The following PKNOX2 variants were observed in gnomAD, a reference collection of about 807,000 sequenced individuals.
PKNOX2 encodes the protein homeobox protein PKNOX2.
Under a neutral mutation model 53.1 loss-of-function variants are expected in PKNOX2, and 14 were observed. The ratio of observed to expected loss-of-function variants is 0.26; its 90% CI spans 0.17 to 0.41. The LOEUF is 0.41. PKNOX2 is among the 10% of genes least tolerant of loss of function. The pLI is 1.00. For missense variants in PKNOX2, 496 were observed against 602.8 expected (o/e 0.82, Z 1.85); for synonymous variants, 257 against 242.8 (o/e 1.06, Z -0.54).
At chr11:125,200,050 G>T (rs1465263785) in intron 1 of PKNOX2, among the ~76,000 whole-genome samples, 1 of 152,144 alleles carries the variant, frequency 6.6e-6, no homozygotes, top group African/African-American at 2.4e-5. Context: ...CCCATCTATA[G>T]ACAGTGACAC....
chr11:125,259,628 C>T (rs1944680181), intron 2 of PKNOX2, among the ~76,000 whole-genome samples: 1 of 152,204 alleles, frequency 6.6e-6, no homozygotes, highest in African/African-American at 2.4e-5. Flanking sequence ...ACCTTTGCCT[C>T]TGGCTGAAGG....
chr11:125,239,153 A>C (rs1942964212), intron 2 of PKNOX2, among the ~76,000 whole-genome samples: 1 of 152,246 alleles, frequency 6.6e-6, no homozygotes, highest in South Asian at 2.1e-4. Flanking sequence ...GACGGTCAAG[A>C]ATCTTGCCTT....
At chr11:125,359,054 A>C (rs1346741785) in intron 4 of PKNOX2, among the ~76,000 whole-genome samples, 1 of 145,708 alleles carries the variant, frequency 6.9e-6, no homozygotes, top group African/African-American at 2.7e-5. Flanking sequence ...AGATGAGGAC[A>C]GTCCCTGCTG....
At chr11:125,202,746 A>T (rs1938596277) in intron 1 of PKNOX2, among the ~76,000 whole-genome samples, 2 of 152,112 alleles carry the variant, frequency 1.3e-5, no homozygotes, top group Non-Finnish European at 1.5e-5. Flanking sequence ...GTGCTCTGGG[A>T]CAGATAATTT....
At chr11:125,247,715 C>T (rs547552745) in intron 2 of PKNOX2, among the ~76,000 whole-genome samples, 3 of 152,302 alleles carry the variant, frequency 2.0e-5, no homozygotes, top group East Asian at 3.9e-4. Context: ...CCTTCCATGT[C>T]TCTGTTACTT....
At chr11:125,387,256 G>A (rs2135390562) in intron 6 of PKNOX2, among the ~76,000 whole-genome samples, 1 of 152,352 alleles carries the variant, frequency 6.6e-6, no homozygotes, top group East Asian at 1.9e-4. Context: ...TTCTGTAGGA[G>A]CTGGGATGGA....
chr11:125,415,232 A>C (rs1280466520), intron 10 of PKNOX2, among the ~76,000 whole-genome samples: 1 of 128,128 alleles, frequency 7.8e-6, no homozygotes, highest in East Asian at 2.5e-4. Context: ...TATAAAGTTT[A>C]GCTTTTTTTT....
intron 3 of PKNOX2, among the ~76,000 whole-genome samples, chr11:125,349,517 G>GCCGACGGAA (rs1951183015): frequency 6.6e-6 from 1 of 152,196 alleles, no homozygotes; most frequent in Admixed American, 6.5e-5. Context: ...AGGCGGTGAG[G>GCCGACGGAA]CCGACGGAAC....
At chr11:125,386,383 C>A (rs1161811072) in intron 6 of PKNOX2, among the ~76,000 whole-genome samples, 1 of 152,160 alleles carries the variant, frequency 6.6e-6, no homozygotes, top group Admixed American at 6.5e-5. Flanking sequence ...TGGGCAGTTG[C>A]AATTGTCATT....
At chr11:125,186,158 T>C (rs1417647214) in intron 1 of PKNOX2, among the ~76,000 whole-genome samples, 3 of 152,198 alleles carry the variant, frequency 2.0e-5, no homozygotes, top group Admixed American at 2.0e-4. Flanking sequence ...TGATGTTGAA[T>C]GTCTTTTCAT....
chr11:125,215,564 C>A (rs943469681), intron 1 of PKNOX2, among the ~76,000 whole-genome samples: 1 of 151,912 alleles, frequency 6.6e-6, no homozygotes, highest in Non-Finnish European at 1.5e-5. Context: ...CCAGCCTGAC[C>A]AACACGGCGA....
chr11:125,405,578 G>A (rs1202673110), intron 7 of PKNOX2, among the ~76,000 whole-genome samples: 1 of 152,154 alleles, frequency 6.6e-6, no homozygotes, highest in African/African-American at 2.4e-5. Context: ...TCATCTTTCT[G>A]CTGTTCCAAA....
At chr11:125,209,123 C>G (rs944844356) in intron 1 of PKNOX2, among the ~76,000 whole-genome samples, 9 of 152,094 alleles carry the variant, frequency 5.9e-5, no homozygotes, top group Non-Finnish European at 1.2e-4. Flanking sequence ...TTCTTTAAAT[C>G]CATCTTATGA....
intron 1 of PKNOX2, among the ~76,000 whole-genome samples, chr11:125,216,414 T>C (rs1297122180): frequency 6.6e-6 from 1 of 152,116 alleles, no homozygotes; most frequent in Non-Finnish European, 1.5e-5. Flanking sequence ...AGAGGACAGA[T>C]AAACTCAGGG....
intron 2 of PKNOX2, among the ~76,000 whole-genome samples, chr11:125,279,847 A>C (rs562688069): frequency 2.6e-5 from 4 of 152,202 alleles, no homozygotes; most frequent in Non-Finnish European, 5.9e-5. Context: ...ATACATTTCC[A>C]TGCAGCATTT....
At chr11:125,377,119 C>T (rs911709282) in intron 5 of PKNOX2, among the ~76,000 whole-genome samples, 1 of 152,140 alleles carries the variant, frequency 6.6e-6, no homozygotes, top group African/African-American at 2.4e-5. Flanking sequence ...GGAAATGGAG[C>T]AGGCATTAAT....
intron 2 of PKNOX2, among the ~76,000 whole-genome samples, chr11:125,322,173 G>T (rs540342293): frequency 1.6e-4 from 24 of 151,942 alleles, no homozygotes; most frequent in South Asian, 4.2e-4. Flanking sequence ...GTCATGAAAG[G>T]TCTCGAATAC....
At chr11:125,377,967 C>T (rs902516459) in intron 5 of PKNOX2, among the ~76,000 whole-genome samples, 4 of 152,218 alleles carry the variant, frequency 2.6e-5, no homozygotes, top group South Asian at 2.1e-4. Context: ...CATCTGCGAG[C>T]GCTGGCTTCA....
At chr11:125,172,466 A>G (rs1955398479) in intron 1 of PKNOX2, among the ~76,000 whole-genome samples, 1 of 152,162 alleles carries the variant, frequency 6.6e-6, no homozygotes, top group East Asian at 1.9e-4. Context: ...CATCTCAGGA[A>G]CCATGAAGCT....
Sources: allele counts gnomAD v4.1 joint callset (sites outside exome capture counted in the v4.1 genomes callset), GRCh38; gene constraint gnomAD v4.1.1; transcripts MANE v1.5; gene names NCBI Gene and HGNC (gene_info 2026-07-23, HGNC 2026-07-21).